The following DGKI variants were observed in gnomAD, a reference collection of about 807,000 sequenced individuals.
DGKI encodes the protein diacylglycerol kinase iota.
A neutral mutation model predicts 147.5 loss-of-function variants in DGKI; 55 were observed. That is an observed-to-expected ratio of 0.37 (90% CI 0.30 to 0.47). The LOEUF (loss-of-function observed/expected upper bound fraction) is 0.47. DGKI is among the 20% of genes least tolerant of loss of function. DGKI has a pLI of 1.00. For synonymous variants in DGKI, 469 were observed against 477.1 expected (o/e 0.98, Z 0.22); for missense variants, 1,007 against 1,323.8 (o/e 0.76, Z 3.71).
chr7:137,748,339 C>A, intron 1 of DGKI, among the ~76,000 whole-genome samples: 1 of 149,324 alleles, frequency 6.7e-6, no homozygotes, highest in Admixed American at 6.7e-5. Flanking sequence ...ATAAACACAT[C>A]TATTGTGGTT....
At chr7:137,435,364 T>C (rs757798990) in intron 28 of DGKI, among the ~76,000 whole-genome samples, 4 of 152,154 alleles carry the variant, frequency 2.6e-5, no homozygotes, top group Non-Finnish European at 2.9e-5. Context: ...TTAGCGTCTA[T>C]AGAGGTGGTT....
At chr7:137,783,266 T>C (rs1454037404) in intron 1 of DGKI, among the ~76,000 whole-genome samples, 1 of 152,082 alleles carries the variant, frequency 6.6e-6, no homozygotes, top group East Asian at 1.9e-4. Context: ...TTCAGTGAAA[T>C]AGACTGCATA....
intron 20 of DGKI, among the ~76,000 whole-genome samples, chr7:137,529,968 C>G (rs903365730): frequency 5.3e-5 from 8 of 152,150 alleles, no homozygotes; most frequent in African/African-American, 1.9e-4. Context: ...AGGCTGGTCT[C>G]AAACTCCTGA....
intron 1 of DGKI, among the ~76,000 whole-genome samples, chr7:137,755,820 G>A (rs1795661113): frequency 6.6e-6 from 1 of 152,152 alleles, no homozygotes; most frequent in Non-Finnish European, 1.5e-5. Context: ...TCTCAGGATC[G>A]CAGAAACTGA....
chr7:137,525,293 T>C (rs1817104673), intron 20 of DGKI, among the ~76,000 whole-genome samples: 1 of 152,154 alleles, frequency 6.6e-6, no homozygotes, highest in African/African-American at 2.4e-5. Flanking sequence ...CCCAACAACC[T>C]ACAACAGTTT....
At chr7:137,732,174 A>G (rs1278495162) in intron 1 of DGKI, among the ~76,000 whole-genome samples, 1 of 152,084 alleles carries the variant, frequency 6.6e-6, no homozygotes, top group Non-Finnish European at 1.5e-5. Flanking sequence ...TAGTATATAT[A>G]ATCACTTTAC....
At chr7:137,544,564 TA>T (rs1817806200) in intron 20 of DGKI, among the ~76,000 whole-genome samples, 9 of 152,206 alleles carry the variant, frequency 5.9e-5, no homozygotes, top group Non-Finnish European at 1.5e-5. Context: ...AGTAAATTAG[TA>T]TCCATAAGAT....
At chr7:137,634,387 A>G (rs1821238250) in intron 6 of DGKI, among the ~76,000 whole-genome samples, 2 of 152,212 alleles carry the variant, frequency 1.3e-5, no homozygotes, top group Admixed American at 1.3e-4. Flanking sequence ...AAATCAACAC[A>G]GACTCTAGGA....
chr7:137,716,953 C>T (rs1794394852), intron 1 of DGKI, among the ~76,000 whole-genome samples: 1 of 152,198 alleles, frequency 6.6e-6, no homozygotes, highest in South Asian at 2.1e-4. Context: ...CATCCTTTTA[C>T]TCACCAGTAA....
chr7:137,756,399 G>GA (rs1256463052), intron 1 of DGKI, among the ~76,000 whole-genome samples: 2 of 151,944 alleles, frequency 1.3e-5, no homozygotes, highest in Non-Finnish European at 2.9e-5. Flanking sequence ...AAACACAGAA[G>GA]AAAAAAAGTC....
intron 8 of DGKI, among the ~76,000 whole-genome samples, chr7:137,617,904 G>T (rs1481906807): frequency 6.6e-6 from 1 of 151,390 alleles, no homozygotes; most frequent in Non-Finnish European, 1.5e-5. Context: ...AAGAATGGCA[G>T]AAAAGTTGAT....
rs1414942367 is a variant in DGKI, at chr7:137,383,327, T to C, written c.*7893A>G. The stretch of plus-strand genomic sequence containing the variant: ...AAAAAGATATGTTTCTACTAAAGCA[T>C]AGGTGTGTTTGTGTAAGCAAGGCAA... On this transcript the variant is annotated 3_prime_UTR_variant, in exon 33 of 33. Coordinates refer to ENST00000614521, the MANE Select transcript of DGKI (RefSeq NM_001321708.2). The C allele has an allele frequency of 1.3e-5, 2 of 151,608 alleles. No homozygotes were observed. The highest frequency in any genetic ancestry group is 2.9e-5 in the Non-Finnish European group (2 of 67,830). 9.4% of individuals were successfully genotyped at this position (151,608 alleles called of 1,614,324 possible). A position where few individuals can be genotyped will look rare whatever the true frequency, so the allele number is the denominator to read the frequency against.
At chr7:137,659,632 C>T (rs1347305285) in intron 3 of DGKI, among the ~76,000 whole-genome samples, 5 of 152,212 alleles carry the variant, frequency 3.3e-5, no homozygotes, top group Non-Finnish European at 5.9e-5. Context: ...AGAAAAGTCA[C>T]TTAAAAGCAT....
rs76182889 is a variant in DGKI at position 137,488,037 on chromosome 7, T to C, written c.2249-348A>G. ...GACAGTTGATAATTATGCTTGCATT[T>C]TTTATGCTTATGCCTAAATTTATGC... On this transcript the variant is annotated intron_variant, in intron 21 of 32. Transcript: ENST00000614521. Among the ~76,000 whole-genome samples the C allele has an allele frequency of 3.9e-5, 6 of 152,278 alleles. No individual in the cohort carries two copies. The East Asian group carries it at 1.2e-3, about 29-fold the overall frequency.
At chr7:137,829,023 T>C (rs922278066) in intron 1 of DGKI, among the ~76,000 whole-genome samples, 15 of 152,240 alleles carry the variant, frequency 9.9e-5, no homozygotes, top group Non-Finnish European at 2.2e-4. Context: ...GAAGCAATAA[T>C]GCTCTTCCCA....
chr7:137,385,716 T>A lies in DGKI; in HGVS notation c.*5504A>T, dbSNP rs569555300. The A allele has an allele frequency of 6.6e-6, 1 of 152,158 alleles. No individual in the cohort carries two copies. The highest frequency in any genetic ancestry group is 1.5e-5 in the Non-Finnish European group (1 of 68,004). The allele number at this position is 152,158 out of a possible 1,614,324, so 9.4% of individuals were successfully genotyped here. A position where few individuals can be genotyped will look rare whatever the true frequency, so the allele number is the denominator to read the frequency against. On this transcript the variant is annotated 3_prime_UTR_variant, in exon 33 of 33. Transcript: ENST00000614521. ...TTCAGATACATTTTTAGAAATCTAC[T>A]ATGACTCCAGTAAAATGGAAATGCA...
At chr7:137,399,709 A>T (rs563049728) in intron 30 of DGKI, among the ~76,000 whole-genome samples, 79 of 152,314 alleles carry the variant, frequency 5.2e-4, no homozygotes, top group Admixed American at 1.4e-3. Flanking sequence ...CAGGAATTCG[A>T]GACCAGCCTG....
At chr7:137,431,843 AC>A (rs1210458628) in intron 28 of DGKI, among the ~76,000 whole-genome samples, 3 of 152,118 alleles carry the variant, frequency 2.0e-5, no homozygotes, top group African/African-American at 7.2e-5. Flanking sequence ...TGCCAACCCT[AC>A]CACCCATTCG....
In DGKI at chr7:137,464,653, TG is replaced by T. The variant is rs562878572; in HGVS notation, c.2613-1043del. Among the ~76,000 whole-genome samples the T allele has an allele frequency of 2.6e-5, 4 of 152,232 alleles. No homozygotes were observed. The East Asian group carries it at 7.7e-4, about 29-fold the overall frequency. ...GTCCTCTCTTGTCTCCACCTAGACTTGGTACATATTGGACATCAACTGCCCC... is the reference window on the plus strand; with the variant it reads ...GTCCTCTCTTGTCTCCACCTAGACTTGTACATATTGGACATCAACTGCCCC... On this transcript the variant is annotated intron_variant, in intron 26 of 32. Transcript: ENST00000614521.
Sources: allele counts gnomAD v4.1 joint callset (sites outside exome capture counted in the v4.1 genomes callset), GRCh38; gene constraint gnomAD v4.1.1; transcripts MANE v1.5; gene names NCBI Gene and HGNC (gene_info 2026-07-23, HGNC 2026-07-21).